NEB: variants seen among roughly 807,000 people sequenced by gnomAD.
NEB encodes the protein nemaline myopathy type 2.
A neutral mutation model predicts 952.2 loss-of-function variants in NEB; 512 were observed. That is an observed-to-expected ratio of 0.54 (90% CI 0.50 to 0.58). The LOEUF is 0.58. Ranked by LOEUF, NEB falls within the 20% of genes least tolerant of loss-of-function variation. The probability of loss-of-function intolerance (pLI) is 0.00; values close to 1 mark genes in which losing one functional copy is unlikely to be tolerated. For missense variants in NEB, 8,428 were observed against 9,231.1 expected, an observed-to-expected ratio of 0.91 and a Z score of 3.56; for synonymous variants, 2,900 against 3,149.8, an observed-to-expected ratio of 0.92 and a Z score of 2.66.
intron 68 of NEB, among the ~76,000 whole-genome samples, chr2:151,628,979 A>G (rs905824552): frequency 3.0e-4 from 46 of 152,286 alleles, no homozygotes; most frequent in African/African-American, 1.1e-3. Context: ...TGGCAGGAGG[A>G]GAAATTAGGT....
At chr2:151,581,670 A>T in intron 102 of NEB, 83 bp from the exon 103 acceptor site, 1 of 1,471,804 alleles carries the variant, frequency 6.8e-7, no homozygotes, top group East Asian at 2.5e-5. Flanking sequence ...GTCATAAAAC[A>T]TACTTGAATA....
At chr2:151,554,877 G>T in intron 125 of NEB, 54 bp downstream of exon 125, 2 of 1,230,450 alleles carry the variant, frequency 1.6e-6, no homozygotes, top group Non-Finnish European at 2.4e-6. Context: ...CATAACGAGC[G>T]GCACATTTCT....
rs745836611 is a variant in NEB at position 151,570,214 on chromosome 2, G to A, written c.17297C>T (p.Ser5766Phe). The A allele has an allele frequency of 6.2e-6, 10 of 1,613,786 alleles. No homozygotes were observed. Among genetic ancestry groups the A allele is most frequent in the Non-Finnish European group, 7.6e-6 (9 of 1,179,804 alleles). The change falls in exon 109 of 182, where the codon TCC becomes TTC. Residue 5766 changes from serine (S) to phenylalanine (F), a missense_variant. This residue lies in a region of NEB where 3,374 missense variants were observed against 3,651.5 expected (regional missense o/e 0.92). Transcript: ENST00000397345. ...AKIQSPVDML[S>F]ILHSKNSQAL... ...CTGGGAATTTTTAGAGTGCAGGATG[G>A]AAAGCATGTCCACAGGGCTCTGGAT...
Position 151,643,277 on chromosome 2 carries a change from T to G in NEB, c.8033A>C (p.Asn2678Thr). 6.2e-7 allele frequency: 1 copy of G among 1,613,912 alleles called. No individual in the cohort carries two copies. The highest frequency in any genetic ancestry group is 8.5e-7 in the Non-Finnish European group (1 of 1,179,838). ...MTSGSLEDEK[N>T]KRATQILSDH... is the part of the protein sequence containing the mutation. ...ACTCAAAATCTGGGTGGCTCGTTTA[T>G]TTTTCTCATCCTCGAGAGAACCACT... is the stretch of plus-strand genomic sequence containing the variant. The change falls in exon 58 of 182, where the codon AAT (asparagine) becomes ACT (threonine). Residue 2678 changes from asparagine to threonine, a missense_variant. Transcript: ENST00000397345.
chr2:151,653,465 A>G (rs1438537907), intron 52 of NEB, among the ~76,000 whole-genome samples: 1 of 152,222 alleles, frequency 6.6e-6, no homozygotes, highest in Non-Finnish European at 1.5e-5. Context: ...GAGTTAAGTA[A>G]GCCCTTGGGA....
At chr2:151,496,557 C>G (rs1175030414) in intron 172 of NEB, among the ~76,000 whole-genome samples, 189 bp from the exon 173 acceptor site, 1 of 152,170 alleles carries the variant, frequency 6.6e-6, no homozygotes, top group Non-Finnish European at 1.5e-5. Flanking sequence ...TCTGCACCCT[C>G]TAGAGAAGCA....
Position 151,696,745 on chromosome 2 carries a change from A to G in NEB, c.1471-10T>C. The G allele has an allele frequency of 2.5e-6, 4 of 1,609,454 alleles. No individual in the cohort carries two copies. The highest frequency in any genetic ancestry group is 2.6e-6 in the Non-Finnish European group (3 of 1,176,002). ...GGACTTTGTAGGTGTGCTGTGGGGA[A>G]GCAAAGGCATTTGGTTTAGTAGTAT... On this transcript the variant is annotated splice_polypyrimidine_tract_variant and intron_variant, in intron 16 of 181. Coordinates refer to ENST00000397345, the MANE Select transcript of NEB (RefSeq NM_001164508.2).
At position 151,582,519 on chromosome 2, in the gene NEB, A is replaced by T; in HGVS notation, c.16124T>A (p.Ile5375Asn). 1 of 88,030 alleles carries T rather than the reference A, an allele frequency of 1.1e-5. No individual in the cohort carries two copies. Among genetic ancestry groups the T allele is most frequent in the Non-Finnish European group, 2.0e-5 (1 of 49,246 alleles). 5.5% of individuals were successfully genotyped at this position (88,030 alleles called of 1,614,324 possible). ...CTGGATTACTTCCGGGGTGTCAACA[A>T]TGCTGGTGAATTTGAGGGCCTCAGG... The part of the protein sequence containing the change: ...IKPEALKFTS[I>N]VDTPEVIQAK... The change falls in exon 102 of 182, where the codon ATT becomes AAT. Residue 5375 changes from isoleucine to asparagine, a missense_variant. This residue lies in a region of NEB where 40 missense variants were observed against 61.2 expected (regional missense o/e 0.65). Coordinates refer to ENST00000397345, the MANE Select transcript of NEB (RefSeq NM_001164508.2).
At chr2:151,709,234 C>T (rs145376497) in intron 12 of NEB, among the ~76,000 whole-genome samples, 13 of 152,244 alleles carry the variant, frequency 8.5e-5, no homozygotes, top group Non-Finnish European at 1.2e-4. Context: ...TCATATAAGG[C>T]CACCAATTGC....
chr2:151,611,973 C>T (rs1312644948), intron 78 of NEB, among the ~76,000 whole-genome samples: 1 of 152,140 alleles, frequency 6.6e-6, no homozygotes, highest in Non-Finnish European at 1.5e-5. Flanking sequence ...GGAAATCATT[C>T]CAGGCTCTGT....
At chr2:151,501,676 A>AAAGAC (rs1559280105) in intron 167 of NEB, among the ~76,000 whole-genome samples, 193 bp from the exon 168 acceptor site, 2 of 152,218 alleles carry the variant, frequency 1.3e-5, no homozygotes, top group African/African-American at 4.8e-5. Flanking sequence ...TCTGTCTCTA[A>AAAGAC]AAGACATCAG....
intron 77 of NEB, among the ~76,000 whole-genome samples, chr2:151,613,939 T>A (rs1381252344): frequency 6.6e-6 from 1 of 152,232 alleles, no homozygotes; most frequent in Non-Finnish European, 1.5e-5. Flanking sequence ...TAGTTCTTTA[T>A]AGCACTGTGA....
chr2:151,493,936 T>TG (rs2058425108), intron 174 of NEB, 69 bp from the exon 175 acceptor site: 1 of 1,136,144 alleles, frequency 8.8e-7, no homozygotes, highest in Non-Finnish European at 1.2e-6. Flanking sequence ...TATTGCAAGT[T>TG]GGGGGGAAAT....
rs774530547 is a variant in NEB at position 151,664,829 on chromosome 2, G to A, written c.5273C>T (p.Thr1758Ile). The A allele has an allele frequency of 1.2e-6, 2 of 1,612,912 alleles. No individual in the cohort carries two copies. The highest frequency in any genetic ancestry group is 1.3e-5 in the African/African-American group (1 of 75,008). ...LYTEKWNKDK[T>I]TIHVMPDTPD... is the part of the protein sequence containing the mutation. ...TGTGTCAGGCATGACATGAATGGTG[G>A]TCTTGTCCTTGTTCCATTTTTCAGT... The change falls in exon 43 of 182, where the codon ACC becomes ATC. Residue 1758 changes from threonine to isoleucine, a missense_variant. Around this residue, in one of 11 missense-constraint regions of NEB, gnomAD observed 2,851 missense variants for 2,791.5 expected, o/e 1.02. Coordinates refer to ENST00000397345, the MANE Select transcript of NEB (RefSeq NM_001164508.2).
intron 52 of NEB, among the ~76,000 whole-genome samples, chr2:151,652,123 T>C (rs1475736473): frequency 6.6e-6 from 1 of 152,184 alleles, no homozygotes; most frequent in Non-Finnish European, 1.5e-5. Context: ...GATCTAGAGC[T>C]TATTGGTAAA....
intron 179 of NEB, 175 bp downstream of exon 179, chr2:151,491,508 C>A: frequency 1.9e-6 from 1 of 538,884 alleles, no homozygotes; most frequent in Non-Finnish European, 3.3e-6. Flanking sequence ...CTAACTTGAA[C>A]TTATCTAGAA....
chr2:151,553,963 T>C lies in NEB; in HGVS notation c.19491A>G (p.Val6497=). 6.2e-7 allele frequency: 1 copy of C among 1,613,924 alleles called. No homozygotes were observed. The highest frequency in any genetic ancestry group is 8.5e-7 in the Non-Finnish European group (1 of 1,179,812). ...GGGAATCCTTGGCAGTAACCATCTCTACCATGTCGGGCACGATGTGGATTT... is the reference window on the plus strand; with the variant it reads ...GGGAATCCTTGGCAGTAACCATCTCCACCATGTCGGGCACGATGTGGATTT... ...KMKIHIVPDM[V]EMVTAKDSQK... The change falls in exon 126 of 182, where the codon GTA becomes GTG. Residue 6497 remains valine (V), a synonymous_variant. Transcript: ENST00000397345.
chr2:151,667,928 G>C lies in NEB; in HGVS notation c.4612-17C>G. 1 of 1,580,266 alleles carries C rather than the reference G, an allele frequency of 6.3e-7. No homozygotes were observed. Among genetic ancestry groups the C allele is most frequent in the Non-Finnish European group, 8.7e-7 (1 of 1,154,058 alleles). On this transcript the variant is annotated splice_polypyrimidine_tract_variant and intron_variant, in intron 39 of 181. Coordinates refer to ENST00000397345, the MANE Select transcript of NEB (RefSeq NM_001164508.2). ...ATAATGAGCCTTCAAAAAAGTAGAGGTTATTTTATTATTTGACATCATTAA... is the reference window on the plus strand; with the variant it reads ...ATAATGAGCCTTCAAAAAAGTAGAGCTTATTTTATTATTTGACATCATTAA...
In NEB at chr2:151,727,855, G is replaced by A; in HGVS notation, c.130C>T (p.Gln44Ter). 6.2e-7 allele frequency: 1 copy of A among 1,612,950 alleles called. No individual in the cohort carries two copies. Among genetic ancestry groups the A allele is most frequent in the Non-Finnish European group, 8.5e-7 (1 of 1,179,402 alleles). ...TTTTRTSDYEQSETSKPALAQ... is the reference protein window; with the variant it reads ...TTTTRTSDYE ...AGAGCTGGTTTGGAAGTTTCTGATT[G>A]CTCATAGTCAGATGTCCTTGTTGTC... The change falls in exon 5 of 182, where the codon CAA becomes TAA. Residue 44 changes from glutamine to a stop codon, truncating the protein, a stop_gained. Transcript: ENST00000397345. LOFTEE classifies it high-confidence loss of function.
Sources: gnomAD v4.1 joint callset for allele counts (sites outside exome capture counted in the v4.1 genomes callset) on GRCh38, gnomAD v4.1.1 for gene constraint, gnomAD v4.1.1 regional missense constraint, MANE v1.5 for transcripts, NCBI Gene and HGNC (gene_info 2026-07-23, HGNC 2026-07-21) for gene names.